Variants in BCL7C observed in about 807,000 individuals in gnomAD.
BCL7C encodes the protein B-cell CLL/lymphoma 7 protein family member C.
BCL7C carries 8 observed loss-of-function variants against 26.2 expected under a neutral mutation model. The ratio of observed to expected loss-of-function variants is 0.30; its 90% CI spans 0.18 to 0.55. BCL7C has a LOEUF of 0.55. Ranked by LOEUF, BCL7C falls within the 20% of genes least tolerant of loss-of-function variation. The pLI, the probability that BCL7C is intolerant of heterozygous loss-of-function variation, is 0.93. For missense variants in BCL7C, 262 were observed against 298.5 expected (o/e 0.88, Z 0.90); for synonymous variants, 90 against 116.5 (o/e 0.77, Z 1.47).
At chr16:30,868,431 C>T (rs958009794) in intron 5 of BCL7C, among the ~76,000 whole-genome samples, 2 of 150,388 alleles carry the variant, frequency 1.3e-5, no homozygotes, top group African/African-American at 4.9e-5. Flanking sequence ...GTCACCGCAC[C>T]CCGCCAAATC....
chr16:30,893,336 C>CCA lies in BCL7C; in HGVS notation c.93-48_93-47dup. On this transcript the variant is annotated intron_variant, in intron 1 of 5. Coordinates refer to ENST00000215115, the MANE Select transcript of BCL7C (RefSeq NM_004765.4). The surrounding 1 kb of genome is among the most constrained non-coding windows in gnomAD (Gnocchi z 5.2). ...GGGTCAGAGAGGCCTGAGGGGAGAC[C>CCA]CACCCCCCTAGGAGCTGGACACATC... 1 of 1,533,462 alleles carries CCA rather than the reference C, an allele frequency of 6.5e-7. No homozygotes were observed. The highest frequency in any genetic ancestry group is 1.4e-5 in the African/African-American group (1 of 73,178). The allele number at this position is 1,533,462 out of a possible 1,614,324, so 95.0% of individuals were successfully genotyped here. A position where few individuals can be genotyped will look rare whatever the true frequency, so the allele number is the denominator to read the frequency against.
chr16:30,864,891 C>T (rs768861080), intron 5 of BCL7C, among the ~76,000 whole-genome samples: 4 of 141,662 alleles, frequency 2.8e-5, no homozygotes, highest in South Asian at 2.5e-4. Context: ...CTCCCCTGCC[C>T]TTAAGAAGGT....
At chr16:30,875,431 C>T (rs2054933400) in intron 5 of BCL7C, 1 of 152,450 alleles carries the variant, frequency 6.6e-6, no homozygotes, top group South Asian at 2.1e-4. Context: ...CGTCTGTGGC[C>T]TTAACCCTTC....
intron 5 of BCL7C, among the ~76,000 whole-genome samples, chr16:30,875,008 C>T (rs527509720): frequency 7.2e-5 from 11 of 152,358 alleles, no homozygotes; most frequent in Admixed American, 7.2e-4. Flanking sequence ...AGCTGGTCTC[C>T]GGGGTTGCAG....
intron 5 of BCL7C, among the ~76,000 whole-genome samples, chr16:30,873,463 G>A (rs1333810947): frequency 6.6e-6 from 1 of 152,152 alleles, no homozygotes; most frequent in Non-Finnish European, 1.5e-5. Context: ...GCAAAACTGT[G>A]AAGATACTAA....
rs1290862857 is a variant in BCL7C, at chr16:30,888,873, A to G, written c.515T>C (p.Leu172Pro). The G allele has an allele frequency of 6.2e-7, 1 of 1,614,042 alleles. No homozygotes were observed. The highest frequency in any genetic ancestry group is 8.5e-7 in the Non-Finnish European group (1 of 1,179,950). Residue 172 changes from leucine to proline, a missense_variant, in exon 5 of 6, where the codon CTG becomes CCG. Coordinates refer to ENST00000215115, the MANE Select transcript of BCL7C (RefSeq NM_004765.4). The stretch of plus-strand genomic sequence containing the variant: ...GGCCTCTCTCACCTCAGCTTCCAGC[A>G]GTTCTGGAACAGGCTCCTCCTTGGT... ...MLTKEEPVPE[L>P]LEAEAPEAYP...
At chr16:30,882,248 A>G (rs2055055091) in intron 5 of BCL7C, among the ~76,000 whole-genome samples, 2 of 152,088 alleles carry the variant, frequency 1.3e-5, no homozygotes, top group South Asian at 2.1e-4. Flanking sequence ...ACGCCCGGCC[A>G]TTTATTCTGT....
At chr16:30,856,986 C>T (rs945499933) in intron 5 of BCL7C, among the ~76,000 whole-genome samples, 2 of 152,310 alleles carry the variant, frequency 1.3e-5, no homozygotes, top group Middle Eastern at 3.4e-3. Flanking sequence ...CCACCCCAGG[C>T]ACTTGTGATG....
At chr16:30,879,280 G>A (rs548568268) in intron 5 of BCL7C, among the ~76,000 whole-genome samples, 2 of 152,140 alleles carry the variant, frequency 1.3e-5, no homozygotes, top group East Asian at 1.9e-4. Flanking sequence ...CACAGACTTC[G>A]CATTCTAGAA....
rs141411807 is a variant in BCL7C at position 30,870,224 on chromosome 16, T to C, written c.528+18636A>G. Among the ~76,000 whole-genome samples the C allele has an allele frequency of 2.0e-5, 3 of 152,170 alleles. No homozygotes were observed. The East Asian group carries it at 5.8e-4, about 30-fold the overall frequency. The stretch of plus-strand genomic sequence containing the variant: ...CTGCTCTAGAAGCCTAGGCAGAAAA[T>C]GGTTCCTTAGACCAGGCCTTACGAC... On this transcript the variant is annotated intron_variant, in intron 5 of 5. Transcript: ENST00000380317.
Position 30,893,197 on chromosome 16 carries a change from A to G in BCL7C, c.171+15T>C. On this transcript the variant is annotated intron_variant, in intron 2 of 5. Transcript: ENST00000215115. This position sits in a 1 kb window ranked among gnomAD's most constrained non-coding sequence, Gnocchi z 5.2. ...TGCACAGATGCAGGGCCTTGTGGGA[A>G]TGGGGGTTGCTCACCTCCTCCTGGG... 6.2e-7 allele frequency: 1 copy of G among 1,610,878 alleles called. No individual in the cohort carries two copies. The highest frequency in any genetic ancestry group is 8.5e-7 in the Non-Finnish European group (1 of 1,178,012).
rs2055279607 is a variant in BCL7C at position 30,893,085 on chromosome 16, T to C, written c.171+127A>G. ...AAGAGGGCAAAAGGGGAGGAGCTGC[T>C]AATGATGGTTCCCGTCTGTCCTGCT... On this transcript the variant is annotated intron_variant, in intron 2 of 5. Transcript: ENST00000215115. This position sits in a 1 kb window ranked among gnomAD's most constrained non-coding sequence, Gnocchi z 5.2. 1 of 1,230,048 alleles carries C rather than the reference T, an allele frequency of 8.1e-7. No individual in the cohort carries two copies. Among genetic ancestry groups the C allele is most frequent in the East Asian group, 2.4e-5 (1 of 41,594 alleles). The allele number at this position is 1,230,048 out of a possible 1,614,324, so 76.2% of individuals were successfully genotyped here.
rs1274345691 is a variant in BCL7C at position 30,834,885 on chromosome 16, G to A, written c.*63C>T. 1.1e-5 allele frequency: 15 copies of A among 1,415,354 alleles called. No individual in the cohort carries two copies. The highest frequency in any genetic ancestry group is 1.3e-5 in the Non-Finnish European group (14 of 1,066,984). The allele number at this position is 1,415,354 out of a possible 1,614,324, so 87.7% of individuals were successfully genotyped here. A position where few individuals can be genotyped will look rare whatever the true frequency, so the allele number is the denominator to read the frequency against. On this transcript the variant is annotated 3_prime_UTR_variant, in exon 6 of 6. Coordinates refer to the BCL7C transcript ENST00000380317. This position sits in a 1 kb window ranked among gnomAD's most constrained non-coding sequence, Gnocchi z 4.3. ...TCTTTCCGCCCTCGGGGCACAGGTA[G>A]TGGCTGGATCTTGGGGCAGCCAAGG...
chr16:30,891,205 G>A (rs11862737), intron 4 of BCL7C, among the ~76,000 whole-genome samples: 1,726 of 149,082 alleles, frequency 0.012, 25 homozygotes, highest in African/African-American at 0.039. Context: ...GTGGTGGCTC[G>A]TAATCCCAGC....
intron 5 of BCL7C, among the ~76,000 whole-genome samples, chr16:30,844,789 G>A (rs114619679): frequency 0.023 from 3,460 of 152,254 alleles, 122 homozygotes; most frequent in African/African-American, 0.08. Context: ...AGCTCTAAAT[G>A]TCACCCTCCA....
chr16:30,882,544 TC>T (rs1249881220), intron 5 of BCL7C, among the ~76,000 whole-genome samples: 1 of 152,186 alleles, frequency 6.6e-6, no homozygotes, highest in Non-Finnish European at 1.5e-5. Flanking sequence ...GGAGGGGCTT[TC>T]CTGGTGGAGC....
At chr16:30,878,627 G>A (rs532896477) in intron 5 of BCL7C, among the ~76,000 whole-genome samples, 15 of 151,484 alleles carry the variant, frequency 9.9e-5, no homozygotes, top group African/African-American at 3.6e-4. Flanking sequence ...GGTGGATCAC[G>A]AGGTCAGGAG....
At chr16:30,883,368 A>C (rs1319594658), downstream of BCL7C, among the ~76,000 whole-genome samples, 1 of 151,828 alleles carries the variant, frequency 6.6e-6, no homozygotes, top group Non-Finnish European at 1.5e-5. Flanking sequence ...GTTTTTTTTA[A>C]GATACAGGGT....
rs777505429 is a variant in BCL7C, at chr16:30,887,920, T to A, written c.599A>T (p.Asp200Val). ...VPEAAQGDTE[D>V]SEGAPPLKRI... Reference sequence around the variant, plus strand: ...CTTGAGTGGGGGGGCACCCTCCGAGTCCTCTGTGTCACCCTGGGCTGCCTC... The same window carrying A: ...CTTGAGTGGGGGGGCACCCTCCGAGACCTCTGTGTCACCCTGGGCTGCCTC... The change falls in exon 6 of 6, where the codon GAC becomes GTC. Residue 200 changes from aspartate to valine, a missense_variant. Coordinates refer to ENST00000215115, the MANE Select transcript of BCL7C (RefSeq NM_004765.4). 6.2e-7 allele frequency: 1 copy of A among 1,603,570 alleles called. No homozygotes were observed. The highest frequency in any genetic ancestry group is 8.5e-7 in the Non-Finnish European group (1 of 1,175,698).
Sources: allele counts gnomAD v4.1 joint callset (sites outside exome capture counted in the v4.1 genomes callset), GRCh38; gene constraint gnomAD v4.1.1; non-coding constraint Gnocchi (gnomAD v3.1); transcripts MANE v1.5; gene names NCBI Gene and HGNC (gene_info 2026-07-23, HGNC 2026-07-21).